The following SH3KBP1 variants were observed in gnomAD, a reference collection of about 807,000 sequenced individuals.
SH3KBP1 encodes SH3 domain containing kinase binding protein 1.
A neutral mutation model predicts 50.1 loss-of-function variants in SH3KBP1; 8 were observed. The observed-to-expected ratio is 0.16, with a 90% CI of 0.09 to 0.29. The LOEUF is 0.29. Among genes scored for constraint, SH3KBP1 ranks in the 10% least tolerant of loss-of-function variants. The probability of loss-of-function intolerance (pLI) is 1.00; values close to 1 mark genes in which losing one functional copy is unlikely to be tolerated. For synonymous variants in SH3KBP1, 227 were observed against 218.6 expected (o/e 1.04, Z -0.34); for missense variants, 377 against 535.2 (o/e 0.70, Z 2.92).
intron 9 of SH3KBP1, among the ~76,000 whole-genome samples, chrX:19,607,668 G>A (rs1206039023): frequency 8.9e-6 from 1 of 112,011 alleles, no homozygotes; most frequent in Non-Finnish European, 1.9e-5. Context: ...TTATTTGGGT[G>A]CTGAAATGTG....
chrX:19,650,172 A>G (rs1249159352), intron 6 of SH3KBP1, among the ~76,000 whole-genome samples: 1 of 111,964 alleles, frequency 8.9e-6, no homozygotes, highest in African/African-American at 3.2e-5. Flanking sequence ...TCTGGCAGCT[A>G]TTATAAGAAG....
intron 2 of SH3KBP1, chrX:19,799,681 C>T: frequency 5.8e-6 from 7 of 1,210,475 alleles, no homozygotes; most frequent in Non-Finnish European, 7.8e-6. Flanking sequence ...GCTGAAACCT[C>T]CATTCTGTGA....
At chrX:19,855,885 C>G (rs1467841410) in intron 1 of SH3KBP1, among the ~76,000 whole-genome samples, 1 of 111,408 alleles carries the variant, frequency 9.0e-6, no homozygotes, top group Non-Finnish European at 1.9e-5. Flanking sequence ...TTAAACTTTC[C>G]TGGTCTGCTC....
At position 19,695,678 on chromosome X, in the gene SH3KBP1, T is replaced by G. The variant is rs759952134; in HGVS notation, c.454A>C (p.Ile152Leu). 2.5e-6 allele frequency: 3 copies of G among 1,209,456 alleles called. No individual in the cohort carries two copies. The highest frequency in any genetic ancestry group is 2.2e-6 in the Non-Finnish European group (2 of 894,532). The change falls in exon 5 of 18, where the codon ATC becomes CTC. Residue 152 changes from isoleucine to leucine, a missense_variant. By Grantham distance (5) the Ile-to-Leu change is conservative. Coordinates refer to ENST00000397821, the MANE Select transcript of SH3KBP1 (RefSeq NM_031892.3). Reference sequence around the variant, plus strand: ...TCCGACTCCCCTGACAGCTCCTTGATGAAGTTGGAAGGAAACATTCCAGTC... The same window carrying G: ...TCCGACTCCCCTGACAGCTCCTTGAGGAAGTTGGAAGGAAACATTCCAGTC... ...GKTGMFPSNF[I>L]KELSGESDEL...
intron 12 of SH3KBP1, among the ~76,000 whole-genome samples, chrX:19,579,898 G>A (rs751268580): frequency 8.1e-5 from 9 of 111,624 alleles, no homozygotes; most frequent in Non-Finnish European, 1.7e-4. Flanking sequence ...GGGCCCCAGA[G>A]CCTGATGCAG....
intron 7 of SH3KBP1, among the ~76,000 whole-genome samples, chrX:19,635,019 AC>A (rs1259633350): frequency 9.0e-6 from 1 of 111,053 alleles, no homozygotes; most frequent in East Asian, 2.8e-4. Context: ...TTGAGCTGTG[AC>A]TTTTCATGAC....
At chrX:19,875,702 C>T (rs1309573304) in intron 1 of SH3KBP1, among the ~76,000 whole-genome samples, 1 of 112,753 alleles carries the variant, frequency 8.9e-6, no homozygotes, top group Non-Finnish European at 1.9e-5. Context: ...GAGACAGAAG[C>T]TCCGGTGGGC....
At chrX:19,554,241 TATATATTAAA>T in intron 13 of SH3KBP1, among the ~76,000 whole-genome samples, 1 of 66,510 alleles carries the variant, frequency 1.5e-5, no homozygotes, top group Middle Eastern at 7.0e-3. Context: ...AAATATATTA[TATATATTAAA>T]ATATATTATA....
chrX:19,824,191 G>A (rs2067607374), intron 2 of SH3KBP1, among the ~76,000 whole-genome samples: 1 of 111,875 alleles, frequency 8.9e-6, no homozygotes, highest in South Asian at 3.7e-4. Flanking sequence ...TGTATTTGTA[G>A]TAAACTTTTA....
chrX:19,542,266 A>G (rs2064939518), intron 15 of SH3KBP1, 73 bp from the exon 16 acceptor site: 2 of 932,357 alleles, frequency 2.1e-6, no homozygotes, highest in Non-Finnish European at 2.8e-6. Context: ...GGTTAGTCAA[A>G]CTCTCCGTTA....
chrX:19,835,292 C>G (rs1474938241), intron 2 of SH3KBP1, among the ~76,000 whole-genome samples: 1 of 110,349 alleles, frequency 9.1e-6, no homozygotes, highest in Middle Eastern at 4.6e-3. Flanking sequence ...CACCACCATG[C>G]CTGGCTAATT....
In SH3KBP1 at chrX:19,584,501, T is replaced by A. The variant is rs2066498493; in HGVS notation, c.1298+4142A>T. Among the ~76,000 whole-genome samples, 2 of 107,356 alleles carry A rather than the reference T, an allele frequency of 1.9e-5. 1 individual carries two copies. Among genetic ancestry groups the A allele is most frequent in the South Asian group, 7.9e-4 (2 of 2,541 alleles). The allele number at this position is 107,356 out of a possible 115,157, so 93.2% of individuals were successfully genotyped here. On this transcript the variant is annotated intron_variant, in intron 12 of 17. Coordinates refer to ENST00000397821, the MANE Select transcript of SH3KBP1 (RefSeq NM_031892.3). ...TGTACCACCATGCCTGCATAATTTTTAAAAATTTTTTTGTAGAGATGTGGT... is the reference window on the plus strand; with the variant it reads ...TGTACCACCATGCCTGCATAATTTTAAAAAATTTTTTTGTAGAGATGTGGT...
chrX:19,733,187 T>G (rs2064430607), intron 3 of SH3KBP1, among the ~76,000 whole-genome samples: 2 of 111,830 alleles, frequency 1.8e-5, no homozygotes, highest in African/African-American at 6.5e-5. Flanking sequence ...TGTTAATTCT[T>G]CTAAAAGTGA....
At chrX:19,865,258 C>T (rs1366289772) in intron 1 of SH3KBP1, among the ~76,000 whole-genome samples, 2 of 112,326 alleles carry the variant, frequency 1.8e-5, no homozygotes, top group East Asian at 5.5e-4. Context: ...GGGTCTCGGC[C>T]TTGGTGGTGT....
At chrX:19,842,249 C>G (rs919768992) in intron 1 of SH3KBP1, among the ~76,000 whole-genome samples, 1 of 112,307 alleles carries the variant, frequency 8.9e-6, no homozygotes, top group Non-Finnish European at 1.9e-5. Flanking sequence ...AAAAATTGGC[C>G]GGGCGCAGTG....
chrX:19,662,376 A>C (rs182431267), intron 6 of SH3KBP1, among the ~76,000 whole-genome samples: 1 of 112,070 alleles, frequency 8.9e-6, no homozygotes, highest in Admixed American at 9.5e-5. Context: ...TACATCTGTA[A>C]GGGACTGAAA....
chrX:19,831,581 A>C (rs1190031091), intron 2 of SH3KBP1, among the ~76,000 whole-genome samples: 11 of 107,712 alleles, frequency 1.0e-4, no homozygotes, highest in Admixed American at 1.0e-3. Flanking sequence ...CACCTGAGGT[A>C]GGGAGTTCGA....
At chrX:19,692,623 ACGTGTG>A (rs1310242293) in intron 5 of SH3KBP1, among the ~76,000 whole-genome samples, 4 of 64,791 alleles carry the variant, frequency 6.2e-5, no homozygotes, top group African/African-American at 2.4e-4. Context: ...ATATATACAT[ACGTGTG>A]TGTGTGTGTG....
intron 2 of SH3KBP1, among the ~76,000 whole-genome samples, chrX:19,800,688 G>C (rs2066864885): frequency 8.9e-6 from 1 of 111,905 alleles, no homozygotes; most frequent in Non-Finnish European, 1.9e-5. Flanking sequence ...AGAACCTCCT[G>C]AATTAGTGAG....
Sources: gnomAD v4.1 joint callset for allele counts (sites outside exome capture counted in the v4.1 genomes callset) on GRCh38, gnomAD v4.1.1 for gene constraint, MANE v1.5 for transcripts, NCBI Gene and HGNC (gene_info 2026-07-23, HGNC 2026-07-21) for gene names.